Variants in ATXN1 observed in about 807,000 individuals in gnomAD.
The protein encoded by ATXN1 is ataxin-1.
ATXN1 carries 8 observed loss-of-function variants against 56.4 expected under a neutral mutation model. That is an observed-to-expected ratio of 0.14 (90% CI 0.08 to 0.26). The LOEUF is 0.26. Ranked by LOEUF, ATXN1 falls within the 10% of genes least tolerant of loss-of-function variation. ATXN1 has a pLI of 1.00. For synonymous variants in ATXN1, 514 were observed against 494.6 expected, an observed-to-expected ratio of 1.04 and a Z score of -0.52; for missense variants, 987 against 1,106.5, an observed-to-expected ratio of 0.89 and a Z score of 1.53.
chr6:16,579,732 C>T lies in ATXN1; in HGVS notation c.-361+6048G>A, dbSNP rs182276529. The stretch of plus-strand genomic sequence containing the variant: ...GGTGTTGAACAGAGGGGGAACAGAA[C>T]ACAGTAGATACAGTAGCAAGAAATG... On this transcript the variant is annotated intron_variant, in intron 4 of 7. Coordinates refer to ENST00000436367, the MANE Select transcript of ATXN1 (RefSeq NM_001128164.2). Among the ~76,000 whole-genome samples, 179 of 152,168 alleles carry T rather than the reference C, an allele frequency of 1.2e-3. 1 individual carries two copies. Among genetic ancestry groups the T allele is most frequent in the African/African-American group, 4.2e-3 (173 of 41,502 alleles).
intron 7 of ATXN1, among the ~76,000 whole-genome samples, chr6:16,316,651 G>A (rs180000): frequency 0.28 from 43,125 of 151,894 alleles, 7,554 homozygotes; most frequent in Non-Finnish European, 0.39. Flanking sequence ...GAAGGCTGAA[G>A]CAGGAGAATT....
chr6:16,644,563 G>GGTGT (rs113345902), intron 3 of ATXN1, among the ~76,000 whole-genome samples: 67,007 of 142,650 alleles, frequency 0.47, 15,781 homozygotes, highest in Middle Eastern at 0.54. Context: ...TAAATTTTAT[G>GGTGT]GTGTGTGTGT....
chr6:16,336,099 A>G (rs1469787498), intron 6 of ATXN1, among the ~76,000 whole-genome samples: 1 of 152,182 alleles, frequency 6.6e-6, no homozygotes, highest in African/African-American at 2.4e-5. Flanking sequence ...TTACTTAAAT[A>G]TCTCATTTAC....
intron 6 of ATXN1, among the ~76,000 whole-genome samples, chr6:16,445,486 G>A (rs1759614164): frequency 6.6e-6 from 1 of 151,960 alleles, no homozygotes; most frequent in Admixed American, 6.5e-5. Flanking sequence ...CCACCTCTCT[G>A]CTTTCAAATG....
chr6:16,669,667 C>CTTTTT (rs11356086), intron 2 of ATXN1, among the ~76,000 whole-genome samples: 111 of 113,014 alleles, frequency 9.8e-4, no homozygotes, highest in African/African-American at 1.2e-3. Flanking sequence ...ACTGAACAAT[C>CTTTTT]TTTTTTTTTT....
intron 4 of ATXN1, among the ~76,000 whole-genome samples, chr6:16,583,416 C>G (rs1205072826): frequency 6.6e-6 from 1 of 152,214 alleles, no homozygotes; most frequent in East Asian, 1.9e-4. Context: ...AAACCTACAG[C>G]CTTCCCCTTC....
At chr6:16,355,559 C>G (rs1761668257) in intron 6 of ATXN1, among the ~76,000 whole-genome samples, 1 of 86,754 alleles carries the variant, frequency 1.2e-5, no homozygotes, top group South Asian at 4.0e-4. Flanking sequence ...ACTCACCCAC[C>G]CTTTTTTTTT....
At chr6:16,341,031 C>T (rs891354137) in intron 6 of ATXN1, among the ~76,000 whole-genome samples, 1 of 152,220 alleles carries the variant, frequency 6.6e-6, no homozygotes, top group Non-Finnish European at 1.5e-5. Flanking sequence ...CATCAGCTAA[C>T]TTCCGGTGTC....
chr6:16,754,548 T>A (rs1581426171), intron 1 of ATXN1: 1 of 152,218 alleles, frequency 6.6e-6, no homozygotes, highest in Admixed American at 6.5e-5. Flanking sequence ...CACTCACTAT[T>A]TTTAAGAGCA....
rs1299617967 is a variant in ATXN1, at chr6:16,491,146, G to A, written c.-298-5037C>T. Among the ~76,000 whole-genome samples the A allele has an allele frequency of 8.4e-5, 10 of 118,546 alleles. No homozygotes were observed. In the East Asian group the frequency reaches 2.7e-3, roughly 32 times the overall value. 77.8% of individuals were successfully genotyped at this position (118,546 alleles called of 152,430 possible). ...GAAGTCTTGCTCCATCACCCAGACA[G>A]AGCAGTGGCACGGTCTCACTCACTG... On this transcript the variant is annotated intron_variant, in intron 5 of 7. Transcript: ENST00000436367.
At position 16,472,010 on chromosome 6, in the gene ATXN1, G is replaced by A. The variant is rs990036593; in HGVS notation, c.-161+13962C>T. 2.6e-5 allele frequency among the ~76,000 whole-genome samples: 4 copies of A among 152,268 alleles called. No individual in the cohort carries two copies. The South Asian group carries it at 8.3e-4, about 32-fold the overall frequency. Reference sequence around the variant, plus strand: ...CTAAAAAGGTAAACAACAGGAGGTGGTTTTAATCACAGTGTTGACTTTGAT... The same window carrying A: ...CTAAAAAGGTAAACAACAGGAGGTGATTTTAATCACAGTGTTGACTTTGAT... On this transcript the variant is annotated intron_variant, in intron 6 of 7. Transcript: ENST00000436367.
intron 6 of ATXN1, among the ~76,000 whole-genome samples, chr6:16,414,059 T>C (rs778156720): frequency 2.0e-5 from 3 of 152,228 alleles, no homozygotes; most frequent in African/African-American, 7.2e-5. Context: ...CTTCTTTCTA[T>C]AGCCTCAAGG....
At chr6:16,346,959 T>TGGGCCCCGC (rs1013643833) in intron 6 of ATXN1, among the ~76,000 whole-genome samples, 1 of 152,204 alleles carries the variant, frequency 6.6e-6, no homozygotes, top group African/African-American at 2.4e-5. Context: ...GTGGGCTCCG[T>TGGGCCCCGC]GGGCCCCGCA....
intron 6 of ATXN1, among the ~76,000 whole-genome samples, chr6:16,405,046 A>C (rs1242689222): frequency 6.6e-6 from 1 of 152,224 alleles, no homozygotes; most frequent in African/African-American, 2.4e-5. Flanking sequence ...TGGGTCTCTG[A>C]ATATCAAATG....
intron 4 of ATXN1, among the ~76,000 whole-genome samples, chr6:16,574,734 G>C (rs775387192): frequency 6.6e-6 from 1 of 151,582 alleles, no homozygotes; most frequent in Non-Finnish European, 1.5e-5. Context: ...ATAGAACCAC[G>C]ATCAAAACTA....
At chr6:16,400,421 C>T (rs558629668) in intron 6 of ATXN1, among the ~76,000 whole-genome samples, 1 of 152,328 alleles carries the variant, frequency 6.6e-6, no homozygotes, top group Non-Finnish European at 1.5e-5. Flanking sequence ...TCTCTTCTGA[C>T]CACGTGGCCA....
At chr6:16,330,705 G>T (rs1236119048) in intron 6 of ATXN1, among the ~76,000 whole-genome samples, 1 of 152,026 alleles carries the variant, frequency 6.6e-6, no homozygotes, top group African/African-American at 2.4e-5. Flanking sequence ...TGATTTAATG[G>T]CCCTTATTGG....
At chr6:16,529,993 G>A (rs1012892205) in intron 4 of ATXN1, among the ~76,000 whole-genome samples, 2 of 152,154 alleles carry the variant, frequency 1.3e-5, no homozygotes, top group African/African-American at 4.8e-5. Flanking sequence ...ATGTCCCCAA[G>A]TTGGAGAAGT....
chr6:16,689,980 A>G (rs1759012201), intron 2 of ATXN1, among the ~76,000 whole-genome samples: 1 of 152,100 alleles, frequency 6.6e-6, no homozygotes. Flanking sequence ...TGGAGTTTTT[A>G]TCCATTACAA....
Sources: allele counts gnomAD v4.1 joint callset (sites outside exome capture counted in the v4.1 genomes callset), GRCh38; gene constraint gnomAD v4.1.1; transcripts MANE v1.5; gene names NCBI Gene and HGNC (gene_info 2026-07-23, HGNC 2026-07-21).